PARVG: variants seen among roughly 807,000 people sequenced by gnomAD.
PARVG encodes parvin gamma.
PARVG carries 36 observed loss-of-function variants against 44.4 expected under a neutral mutation model. The ratio of observed to expected loss-of-function variants is 0.81; its 90% confidence interval spans 0.62 to 1.07. PARVG has a LOEUF of 1.07. Among genes scored for constraint, PARVG ranks in the 50% least tolerant of loss-of-function variants. The pLI is 0.00. For synonymous variants in PARVG, 170 were observed against 174.1 expected (o/e 0.98, Z 0.19); for missense variants, 407 against 407.4 (o/e 1.00, Z 0.01).
chr22:44,189,292 G>A (rs2054517528), intron 6 of PARVG, 38 bp downstream of exon 6: 1 of 1,605,540 alleles, frequency 6.2e-7, no homozygotes, highest in African/African-American at 1.3e-5. Context: ...TGGGGAGTGT[G>A]GGGCCGCTGG....
Position 44,181,827 on chromosome 22 carries a change from C to T in PARVG, c.-103C>T. The T allele has an allele frequency of 2.0e-6, 2 of 985,532 alleles. No individual in the cohort carries two copies. Among genetic ancestry groups the T allele is most frequent in the Non-Finnish European group, 2.4e-6 (2 of 830,020 alleles). The allele number at this position is 985,532 out of a possible 1,614,324, so 61.0% of individuals were successfully genotyped here. ...CTCCCGGCCTGGTCCCCGAAGACCC[C>T]AGAAGAACCCGGAACTTGCTTCCAT... On this transcript the variant is annotated 5_prime_UTR_variant, in exon 2 of 14. Transcript: ENST00000444313.
upstream of PARVG, among the ~76,000 whole-genome samples, chr22:44,176,575 T>C (rs954781785): frequency 2.3e-5 from 3 of 132,474 alleles, no homozygotes; most frequent in Admixed American, 8.7e-5. Context: ...ATGTGGAGTA[T>C]AACACATTGG....
At chr22:44,201,725 G>T (rs1307347071) in intron 12 of PARVG, among the ~76,000 whole-genome samples, 1 of 152,222 alleles carries the variant, frequency 6.6e-6, no homozygotes, top group Non-Finnish European at 1.5e-5. Context: ...CGGCAGGTCG[G>T]CTGAGTTTAG....
At chr22:44,189,067 TG>T (rs1325328304) in intron 5 of PARVG, 46 bp from the exon 6 acceptor site, 4 of 1,612,030 alleles carry the variant, frequency 2.5e-6, no homozygotes, top group Middle Eastern at 1.7e-4. Flanking sequence ...AGGTGCTCTC[TG>T]GTCTGTCCCC....
Position 44,189,289 on chromosome 22 carries a change from T to G in PARVG, c.388+35T>G. 3 of 1,608,242 alleles carry G rather than the reference T, an allele frequency of 1.9e-6. No individual in the cohort carries two copies. The South Asian group carries it at 3.3e-5, about 18-fold the overall frequency. ...CCACAACCTGGCTACCCCTGGGGAG[T>G]GTGGGGCCGCTGGGGTCCTTCTGCT... On this transcript the variant is annotated intron_variant, in intron 6 of 13. Transcript: ENST00000444313.
intron 7 of PARVG, among the ~76,000 whole-genome samples, chr22:44,191,787 C>T (rs1236621298): frequency 1.3e-5 from 2 of 152,296 alleles, no homozygotes; most frequent in African/African-American, 2.4e-5. Context: ...TCAGAAGTGA[C>T]TTCATTGATT....
rs925858228 is a variant in PARVG at position 44,182,544 on chromosome 22, G to T, written c.-13+627G>T. 4.6e-5 allele frequency among the ~76,000 whole-genome samples: 7 copies of T among 152,314 alleles called. 1 individual carries two copies. The highest frequency in any genetic ancestry group is 3.9e-4 in the Admixed American group (6 of 15,304). On this transcript the variant is annotated intron_variant, in intron 2 of 13. Coordinates refer to ENST00000444313, the MANE Select transcript of PARVG (RefSeq NM_022141.7). The surrounding 1 kb of genome is among the most constrained non-coding windows in gnomAD (Gnocchi z 4.6). The stretch of plus-strand genomic sequence containing the variant: ...AATGCCTCCGTCTCCCACAGCTCAG[G>T]GGGCTCCCTGCTCTGGCCACCAACT...
At position 44,189,215 on chromosome 22, in the gene PARVG, C is replaced by A. The variant is rs762486992; in HGVS notation, c.349C>A (p.Leu117Met). The A allele has an allele frequency of 6.2e-7, 1 of 1,614,222 alleles. No individual in the cohort carries two copies. Among genetic ancestry groups the A allele is most frequent in the Non-Finnish European group, 8.5e-7 (1 of 1,180,026 alleles). Residue 117 changes from leucine to methionine, a missense_variant, in exon 6 of 14, where the codon CTG (leucine) becomes ATG (methionine). Leu to Met is a conservative substitution (Grantham distance 15). Coordinates refer to ENST00000444313, the MANE Select transcript of PARVG (RefSeq NM_022141.7). ...TVVLEAVNRS[L>M]QLEEWQAKWS... ...GGTGCTGGAGGCCGTGAACCGGAGT[C>A]TGCAGCTGGAGGAGTGGCAGGCCAA...
chr22:44,196,509 G>A (rs1329767125), intron 11 of PARVG, 94 bp downstream of exon 11: 1 of 1,468,732 alleles, frequency 6.8e-7, no homozygotes, highest in Non-Finnish European at 9.4e-7. Context: ...CTGCTGTGTG[G>A]TGGGGGTTGC....
rs1437215707 is a variant in PARVG at position 44,206,355 on chromosome 22, C to T, written c.925C>T (p.Leu309Phe). Residue 309 changes from leucine (L) to phenylalanine (F), a missense_variant, in exon 14 of 14, where the codon CTC becomes TTC. Leu to Phe is a conservative substitution (Grantham distance 22). Coordinates refer to ENST00000444313, the MANE Select transcript of PARVG (RefSeq NM_022141.7). ...GGATGCCAAGAGCACACTGAGGGTG[C>T]TCTATGGTCTGTTCTGCAAGCACAC... is the stretch of plus-strand genomic sequence containing the variant. ...NKDAKSTLRV[L>F]YGLFCKHTQK... 1 of 1,613,974 alleles carries T rather than the reference C, an allele frequency of 6.2e-7. No homozygotes were observed.
chr22:44,206,359 A>G lies in PARVG; in HGVS notation c.929A>G (p.Tyr310Cys). ...GCCAAGAGCACACTGAGGGTGCTCTATGGTCTGTTCTGCAAGCACACGCAG... is the reference window on the plus strand; with the variant it reads ...GCCAAGAGCACACTGAGGGTGCTCTGTGGTCTGTTCTGCAAGCACACGCAG... The part of the protein sequence containing the change: ...KDAKSTLRVL[Y>C]GLFCKHTQKA... Residue 310 changes from tyrosine (Y) to cysteine (C), a missense_variant, in exon 14 of 14, where the codon TAT (tyrosine) becomes TGT (cysteine). By Grantham distance (194) the Tyr-to-Cys change is radical. Transcript: ENST00000444313. 3 of 1,613,980 alleles carry G rather than the reference A, an allele frequency of 1.9e-6. No homozygotes were observed. Among genetic ancestry groups the G allele is most frequent in the Non-Finnish European group, 2.5e-6 (3 of 1,179,978 alleles).
upstream of PARVG, among the ~76,000 whole-genome samples, chr22:44,179,153 C>T (rs1474485021): frequency 6.6e-6 from 1 of 151,952 alleles, no homozygotes; most frequent in Non-Finnish European, 1.5e-5. This position sits in a 1 kb window ranked among gnomAD's most constrained non-coding sequence, Gnocchi z 4.2. Context: ...GGAATAATTC[C>T]CTTCTATCCA....
At chr22:44,183,202 TC>T in intron 2 of PARVG, 115 bp from the exon 3 acceptor site, 1 of 908,618 alleles carries the variant, frequency 1.1e-6, no homozygotes, top group Non-Finnish European at 1.6e-6. Context: ...TGCTGACGTG[TC>T]CCCAGAACCT....
Position 44,206,310 on chromosome 22 carries a change from C to T in PARVG, c.887-7C>T, listed in dbSNP as rs751053231. 1 of 1,608,714 alleles carries T rather than the reference C, an allele frequency of 6.2e-7. No individual in the cohort carries two copies. The highest frequency in any genetic ancestry group is 8.5e-7 in the Non-Finnish European group (1 of 1,175,534). On this transcript the variant is annotated splice_polypyrimidine_tract_variant and splice_region_variant and intron_variant, in intron 13 of 13. Coordinates refer to ENST00000444313, the MANE Select transcript of PARVG (RefSeq NM_022141.7). ...GACTGGCTGCCCTGCCCTCCTTTGG[C>T]CCGCAGATATCGTGAACAAGGATGC...
chr22:44,205,231 G>A (rs1024035687), intron 12 of PARVG, among the ~76,000 whole-genome samples: 8 of 152,194 alleles, frequency 5.3e-5, no homozygotes, highest in Non-Finnish European at 7.3e-5. Context: ...TGGTTTGAGC[G>A]CTTTCTGTCT....
At chr22:44,188,778 G>A in intron 5 of PARVG, 1 of 330,356 alleles carries the variant, frequency 3.0e-6, no homozygotes, top group Non-Finnish European at 5.8e-6. Context: ...CTGCAGAGAT[G>A]AAGTGGACAC....
intron 11 of PARVG, among the ~76,000 whole-genome samples, chr22:44,198,270 G>T (rs758729460): frequency 2.0e-5 from 3 of 152,202 alleles, no homozygotes; most frequent in Non-Finnish European, 4.4e-5. Context: ...GATGAGCCTG[G>T]TGTGCTGCTC....
chr22:44,183,973 T>G, intron 3 of PARVG: 1 of 211,566 alleles, frequency 4.7e-6, no homozygotes, highest in Non-Finnish European at 9.3e-6. Context: ...GGGGTGAGCA[T>G]AGGATGGAGC....
At chr22:44,178,901 C>T (rs1217007512), upstream of PARVG, among the ~76,000 whole-genome samples, 1 of 152,118 alleles carries the variant, frequency 6.6e-6, no homozygotes, top group African/African-American at 2.4e-5. Context: ...CATAATGGTA[C>T]TGTGTTATGC....
Sources: gnomAD v4.1 joint callset for allele counts (sites outside exome capture counted in the v4.1 genomes callset) on GRCh38, gnomAD v4.1.1 for gene constraint, Gnocchi (gnomAD v3.1) non-coding constraint, MANE v1.5 for transcripts, NCBI Gene and HGNC (gene_info 2026-07-23, HGNC 2026-07-21) for gene names.